The following MEGF11 variants were observed in gnomAD, a reference collection of about 807,000 sequenced individuals.
MEGF11 encodes the protein multiple EGF like domains 11.
A neutral mutation model predicts 146.6 loss-of-function variants in MEGF11; 126 were observed. The observed-to-expected ratio is 0.86, with a 90% CI of 0.74 to 1.00. MEGF11 has a LOEUF of 1.00. Ranked by LOEUF, MEGF11 falls within the 50% of genes least tolerant of loss-of-function variation. MEGF11 has a pLI of 0.00. For synonymous variants in MEGF11, 532 were observed against 583.4 expected (o/e 0.91, Z 1.27); for missense variants, 1,509 against 1,521.2 (o/e 0.99, Z 0.13).
intron 5 of MEGF11, among the ~76,000 whole-genome samples, chr15:66,079,777 G>A (rs1395142660): frequency 2.6e-5 from 4 of 152,176 alleles, no homozygotes; most frequent in African/African-American, 7.2e-5. Flanking sequence ...AGCATCACAG[G>A]AACATGAGTG....
At chr15:66,209,551 A>G (rs1410045743) in intron 1 of MEGF11, among the ~76,000 whole-genome samples, 1 of 152,210 alleles carries the variant, frequency 6.6e-6, no homozygotes, top group Admixed American at 6.5e-5. Flanking sequence ...AAACTATGGT[A>G]CAATCATACC....
At chr15:65,969,667 C>T (rs1469093358) in intron 8 of MEGF11, among the ~76,000 whole-genome samples, 2 of 152,224 alleles carry the variant, frequency 1.3e-5, no homozygotes, top group African/African-American at 4.8e-5. Context: ...ACTCAGCCTA[C>T]ATCCCGGCTT....
chr15:65,897,660 T>A lies in MEGF11; in HGVS notation c.*274A>T. On this transcript the variant is annotated 3_prime_UTR_variant, in exon 26 of 26. Coordinates refer to ENST00000395614, the MANE Select transcript of MEGF11 (RefSeq NM_001385028.1). The stretch of plus-strand genomic sequence containing the variant: ...TATATATATATCAGCTATATTTAGC[T>A]GATGTTGATGAGTAGCTGTATCTTA... 1 of 251,646 alleles carries A rather than the reference T, an allele frequency of 4.0e-6. No individual in the cohort carries two copies. Among genetic ancestry groups the A allele is most frequent in the Non-Finnish European group, 7.5e-6 (1 of 133,432 alleles). 15.6% of individuals were successfully genotyped at this position (251,646 alleles called of 1,614,324 possible). A position where few individuals can be genotyped will look rare whatever the true frequency, so the allele number is the denominator to read the frequency against.
intron 24 of MEGF11, chr15:65,902,006 G>T (rs1257651527): frequency 6.6e-6 from 1 of 152,110 alleles, no homozygotes; most frequent in East Asian, 1.9e-4. Context: ...CAGGGCTCCT[G>T]TCCATATCTC....
At chr15:65,928,340 T>G in intron 13 of MEGF11, 85 bp downstream of exon 13, 3 of 808,554 alleles carry the variant, frequency 3.7e-6, no homozygotes, top group Non-Finnish European at 5.9e-6. Flanking sequence ...AGAGAGGTAT[T>G]GAAGAAGAAA....
chr15:65,916,235 A>G lies in MEGF11; in HGVS notation c.2257T>C (p.Cys753Arg), dbSNP rs1318365028. The G allele has an allele frequency of 6.4e-7, 1 of 1,562,446 alleles. No homozygotes were observed. Among genetic ancestry groups the G allele is most frequent in the Non-Finnish European group, 8.7e-7 (1 of 1,153,300 alleles). ...CAGCTGGCGCCATTCTGACACTGGC[A>G]TACGCGCCCACAGTCCTTCCCAAAA... ...AFFGKDCGRV[C>R]QCQNGASCDH... The change falls in exon 18 of 26, where the codon TGC becomes CGC. Residue 753 changes from cysteine (C) to arginine (R), a missense_variant. Physicochemically the swap from Cys to Arg is radical, Grantham distance 180 (BLOSUM62 -3). Transcript: ENST00000395614.
At chr15:66,235,948 C>T (rs1277960585) in intron 1 of MEGF11, among the ~76,000 whole-genome samples, 2 of 152,144 alleles carry the variant, frequency 1.3e-5, no homozygotes, top group Non-Finnish European at 2.9e-5. Context: ...TGACCAAGTC[C>T]CTCCTCCTGA....
At chr15:66,097,309 G>T (rs942864137) in intron 4 of MEGF11, among the ~76,000 whole-genome samples, 2 of 152,168 alleles carry the variant, frequency 1.3e-5, no homozygotes, top group South Asian at 4.1e-4. Flanking sequence ...GGAGGATGGA[G>T]GTGGCCATCC....
chr15:66,042,138 C>A (rs1191937382), intron 5 of MEGF11, among the ~76,000 whole-genome samples: 1 of 147,650 alleles, frequency 6.8e-6, no homozygotes, highest in Admixed American at 6.8e-5. Flanking sequence ...TGAGACAGAG[C>A]CTCACTCCAT....
intron 9 of MEGF11, among the ~76,000 whole-genome samples, chr15:65,962,336 C>T (rs2080887379): frequency 6.6e-6 from 1 of 152,138 alleles, no homozygotes; most frequent in African/African-American, 2.4e-5. Context: ...TTTTCCTGCC[C>T]CACCCCACCC....
chr15:66,015,374 T>C (rs758606698), intron 5 of MEGF11, among the ~76,000 whole-genome samples: 5 of 152,214 alleles, frequency 3.3e-5, no homozygotes, highest in Non-Finnish European at 7.3e-5. Flanking sequence ...ACTTACTAAC[T>C]GCATAACCCA....
At position 65,980,856 on chromosome 15, in the gene MEGF11, A is replaced by T. The variant is rs765261784; in HGVS notation, c.684T>A (p.Cys228Ter). The T allele has an allele frequency of 1.1e-5, 17 of 1,595,536 alleles. 1 individual carries two copies. The South Asian group carries it at 1.9e-4, about 18-fold the overall frequency. Reference sequence around the variant, plus strand: ...CATTCTGACAGGGGCAGCGCAGCTCACAGTGAGCTCCATGGCTCCCAGGAG... The same window carrying T: ...CATTCTGACAGGGGCAGCGCAGCTCTCAGTGAGCTCCATGGCTCCCAGGAG... ...LCPPGSHGAHCELRCPCQNGG... is the reference protein window; with the variant it reads ...LCPPGSHGAH Residue 228 changes from cysteine (C) to a stop codon, truncating the protein, a stop_gained, in exon 7 of 26, where the codon TGT becomes TGA. Transcript: ENST00000395614. LOFTEE classifies it high-confidence loss of function.
At chr15:65,959,752 C>G (rs754235073) in intron 9 of MEGF11, among the ~76,000 whole-genome samples, 1 of 152,012 alleles carries the variant, frequency 6.6e-6, no homozygotes, top group African/African-American at 2.4e-5. Context: ...GCACCAGGCA[C>G]GTTATATATA....
chr15:66,181,154 A>G (rs1597138852), intron 1 of MEGF11, among the ~76,000 whole-genome samples: 1 of 152,380 alleles, frequency 6.6e-6, no homozygotes, highest in East Asian at 1.9e-4. Context: ...AATTAGATAC[A>G]ATGTGTTATC....
chr15:66,174,431 G>C (rs1359834921), intron 1 of MEGF11, among the ~76,000 whole-genome samples: 1 of 152,114 alleles, frequency 6.6e-6, no homozygotes, highest in Non-Finnish European at 1.5e-5. Flanking sequence ...GAAACCTCTG[G>C]GCTGGGGATC....
At chr15:65,916,361 CT>C (rs1320166858) in intron 17 of MEGF11, 85 bp from the exon 18 acceptor site, 3 of 1,459,930 alleles carry the variant, frequency 2.1e-6, no homozygotes, top group East Asian at 2.5e-5. Flanking sequence ...TCTTCTGTCT[CT>C]TTTTTTGCTG....
intron 5 of MEGF11, among the ~76,000 whole-genome samples, chr15:66,064,613 A>G (rs1463055056): frequency 1.3e-5 from 2 of 151,686 alleles, no homozygotes; most frequent in Non-Finnish European, 2.9e-5. Flanking sequence ...CAACTCCCGG[A>G]TTCAAGCGAT....
intron 5 of MEGF11, among the ~76,000 whole-genome samples, chr15:66,026,982 G>A (rs1426846427): frequency 6.6e-6 from 1 of 152,150 alleles, no homozygotes; most frequent in African/African-American, 2.4e-5. Context: ...TTACCTGGAA[G>A]GACACATATC....
At position 66,151,965 on chromosome 15, in the gene MEGF11, G is replaced by T. The variant is rs7163450; in HGVS notation, c.-8-23554C>A. ...GGCACAATGGCCTGCCATGGGGCGG[G>T]GGGCAGGGTGTGCAGGCAGATGCAG... On this transcript the variant is annotated intron_variant, in intron 1 of 25. Coordinates refer to ENST00000395614, the MANE Select transcript of MEGF11 (RefSeq NM_001385028.1). Among the ~76,000 whole-genome samples, 59 of 152,298 alleles carry T rather than the reference G, an allele frequency of 3.9e-4. No homozygotes were observed. The East Asian group carries it at 5.2e-3, about 13-fold the overall frequency.
Sources: gnomAD v4.1 joint callset for allele counts (sites outside exome capture counted in the v4.1 genomes callset) on GRCh38, gnomAD v4.1.1 for gene constraint, MANE v1.5 for transcripts, NCBI Gene and HGNC (gene_info 2026-07-23, HGNC 2026-07-21) for gene names.